NXPE2: variants seen among roughly 807,000 people sequenced by gnomAD.
NXPE2 encodes the protein NXPE family member 2.
NXPE2 carries 34 observed loss-of-function variants against 34.4 expected under a neutral mutation model. The ratio of observed to expected loss-of-function variants is 0.99; its 90% CI spans 0.75 to 1.31. NXPE2 has a LOEUF of 1.31. Among genes scored for constraint, NXPE2 ranks in the 40% most tolerant of loss-of-function variants. NXPE2 has a pLI of 0.00. For missense variants in NXPE2, 649 were observed against 672.5 expected (o/e 0.97, Z 0.39); for synonymous variants, 235 against 231.3 (o/e 1.02, Z -0.15).
chr11:114,636,574 T>G, the NXPE2 span, among the ~76,000 whole-genome samples: 1 of 151,872 alleles, frequency 6.6e-6, no homozygotes, highest in Admixed American at 6.6e-5. Flanking sequence ...ATTTTGGATC[T>G]TTCCTGCTTT....
chr11:114,581,730 C>A, the NXPE2 span: 1 of 1,611,096 alleles, frequency 6.2e-7, no homozygotes, highest in Non-Finnish European at 8.5e-7. Flanking sequence ...CTTACTGTTG[C>A]ATTTGGAGAC....
At chr11:114,783,447 A>C in the NXPE2 span, among the ~76,000 whole-genome samples, 1 of 152,138 alleles carries the variant, frequency 6.6e-6, no homozygotes, top group Non-Finnish European at 1.5e-5. Flanking sequence ...CCCAGAGCCG[A>C]CTGATCTCAC....
chr11:114,535,994 A>G, the NXPE2 span, among the ~76,000 whole-genome samples: 2 of 152,194 alleles, frequency 1.3e-5, no homozygotes, highest in Non-Finnish European at 2.9e-5. Flanking sequence ...TTTCAGCACC[A>G]CACCAAACCT....
At chr11:114,686,734 A>G (rs1951054709) in intron 2 of NXPE2, among the ~76,000 whole-genome samples, 1 of 152,202 alleles carries the variant, frequency 6.6e-6, no homozygotes, top group African/African-American at 2.4e-5. Flanking sequence ...CAGTCCCACC[A>G]ACAGTATGTA....
chr11:114,649,856 C>T, the NXPE2 span, among the ~76,000 whole-genome samples: 5 of 152,142 alleles, frequency 3.3e-5, no homozygotes, highest in African/African-American at 1.2e-4. Flanking sequence ...TCTGACACTC[C>T]TTTCAGTTAC....
chr11:114,635,945 G>T, the NXPE2 span, among the ~76,000 whole-genome samples: 117 of 152,094 alleles, frequency 7.7e-4, no homozygotes, highest in African/African-American at 2.2e-3. Context: ...TGGTTTCTCT[G>T]CCCGTCTTTG....
chr11:114,613,406 G>GCC, the NXPE2 span, among the ~76,000 whole-genome samples: 1 of 147,280 alleles, frequency 6.8e-6, no homozygotes, highest in Non-Finnish European at 1.5e-5. Context: ...GGGTGGGTAA[G>GCC]CACTGTTACC....
chr11:114,707,008 C>T lies in NXPE2; in HGVS notation c.*78C>T. 3 of 1,184,378 alleles carry T rather than the reference C, an allele frequency of 2.5e-6. No individual in the cohort carries two copies. The highest frequency in any genetic ancestry group is 1.7e-5 in the South Asian group (1 of 57,770). The allele number at this position is 1,184,378 out of a possible 1,614,324, so 73.4% of individuals were successfully genotyped here. A position where few individuals can be genotyped will look rare whatever the true frequency, so the allele number is the denominator to read the frequency against. On this transcript the variant is annotated 3_prime_UTR_variant, in exon 6 of 6. Coordinates refer to ENST00000389586, the MANE Select transcript of NXPE2 (RefSeq NM_182495.6). ...ACAGCGAAGATAGTTTAATGCAATC[C>T]AAGTTTTGAGGAAACTAAATTTGAA...
chr11:114,740,154 T>C, the NXPE2 span, among the ~76,000 whole-genome samples: 1 of 152,130 alleles, frequency 6.6e-6, no homozygotes, highest in Non-Finnish European at 1.5e-5. Flanking sequence ...ATTATAACAA[T>C]AGACTGTAAT....
At chr11:114,512,877 A>G in the NXPE2 span, 4 of 243,378 alleles carry the variant, frequency 1.6e-5, no homozygotes, top group Non-Finnish European at 3.3e-5. Context: ...ACAATTCAGC[A>G]CTTGAGTTTG....
the NXPE2 span, among the ~76,000 whole-genome samples, chr11:114,778,775 A>T: frequency 6.6e-6 from 1 of 152,194 alleles, no homozygotes; most frequent in Non-Finnish European, 1.5e-5. Context: ...ACTTCCTGCA[A>T]ATGCTTCCTA....
chr11:114,668,096 C>A, the NXPE2 span, among the ~76,000 whole-genome samples: 5 of 151,868 alleles, frequency 3.3e-5, no homozygotes, highest in Non-Finnish European at 1.5e-5. Flanking sequence ...TTGGAAAAGA[C>A]TGAATACCTC....
the NXPE2 span, among the ~76,000 whole-genome samples, chr11:114,633,257 A>T: frequency 5.2e-5 from 7 of 134,974 alleles, no homozygotes; most frequent in East Asian, 6.3e-4. Flanking sequence ...TATAATATAT[A>T]AGAATGTTAT....
the NXPE2 span, among the ~76,000 whole-genome samples, chr11:114,618,859 C>T: frequency 2.1e-5 from 3 of 142,274 alleles, no homozygotes; most frequent in Non-Finnish European, 3.1e-5. Context: ...CCCAGTGGAT[C>T]CTAAGTATTG....
intron 2 of NXPE2, among the ~76,000 whole-genome samples, chr11:114,683,613 G>T (rs1457849018): frequency 6.6e-6 from 1 of 152,100 alleles, no homozygotes; most frequent in Non-Finnish European, 1.5e-5. Context: ...TAGACATGGG[G>T]TTTCACCATG....
At chr11:114,616,062 C>G in the NXPE2 span, among the ~76,000 whole-genome samples, 1 of 151,582 alleles carries the variant, frequency 6.6e-6, no homozygotes, top group Non-Finnish European at 1.5e-5. Flanking sequence ...TAAGTATTGC[C>G]TCATGGGTAA....
the NXPE2 span, among the ~76,000 whole-genome samples, chr11:114,613,625 C>T: frequency 6.6e-6 from 1 of 151,936 alleles, no homozygotes; most frequent in South Asian, 2.1e-4. Flanking sequence ...ACCACTGTTA[C>T]ACACTGGATA....
the NXPE2 span, among the ~76,000 whole-genome samples, chr11:114,541,014 A>AC: frequency 1.3e-5 from 2 of 151,634 alleles, no homozygotes; most frequent in Non-Finnish European, 2.9e-5. Flanking sequence ...TCTCTAGCTG[A>AC]CCCCTGAGGC....
chr11:114,616,610 G>A, the NXPE2 span, among the ~76,000 whole-genome samples: 1 of 140,252 alleles, frequency 7.1e-6, no homozygotes, highest in South Asian at 2.1e-4. Context: ...ATTGCCTCAT[G>A]GGTAACCACA....
Sources: allele counts gnomAD v4.1 joint callset (sites outside exome capture counted in the v4.1 genomes callset), GRCh38; gene constraint gnomAD v4.1.1; transcripts MANE v1.5; gene names NCBI Gene and HGNC (gene_info 2026-07-23, HGNC 2026-07-21).